CYBRD1: variants seen among roughly 807,000 people sequenced by gnomAD.
The protein encoded by CYBRD1 is plasma membrane ascorbate-dependent reductase CYBRD1.
A neutral mutation model predicts 21.9 loss-of-function variants in CYBRD1; 14 were observed. The ratio of observed to expected loss-of-function variants is 0.64; its 90% CI spans 0.42 to 1.00. CYBRD1 has a LOEUF of 1.00. Ranked by LOEUF, CYBRD1 falls within the 50% of genes least tolerant of loss-of-function variation. CYBRD1 has a pLI of 0.00. For synonymous variants in CYBRD1, 146 were observed against 136.5 expected (o/e 1.07, Z -0.48); for missense variants, 328 against 352.5 (o/e 0.93, Z 0.56).
At chr2:171,549,619 A>T (rs547633727) in intron 2 of CYBRD1, among the ~76,000 whole-genome samples, 24 of 152,338 alleles carry the variant, frequency 1.6e-4, no homozygotes, top group African/African-American at 5.8e-4. Flanking sequence ...TAATCTAGAG[A>T]TATCATTAGC....
chr2:171,551,282 CAGGAAG>C (rs1473186861), intron 2 of CYBRD1: 1 of 152,354 alleles, frequency 6.6e-6, no homozygotes, highest in Non-Finnish European at 1.5e-5. Context: ...ACATGGACAT[CAGGAAG>C]CTTGCCCTTT....
chr2:171,554,574 C>G lies in CYBRD1; in HGVS notation c.608C>G (p.Thr203Arg), dbSNP rs201085119. 2 of 1,613,778 alleles carry G rather than the reference C, an allele frequency of 1.2e-6. No homozygotes were observed. Among genetic ancestry groups the G allele is most frequent in the Non-Finnish European group, 1.7e-6 (2 of 1,179,906 alleles). ...CCGCCAGAAGGTGTTTTCGTAAATA[C>G]GCTTGGCCTTCTGATCCTGGTGTTC... is the stretch of plus-strand genomic sequence containing the variant. ...TFPPEGVFVN[T>R]LGLLILVFGA... The change falls in exon 4 of 4, where the codon ACG becomes AGG. Residue 203 changes from threonine to arginine, a missense_variant. By Grantham distance (71) the Thr-to-Arg change is moderately conservative (BLOSUM62 -1). Coordinates refer to ENST00000321348, the MANE Select transcript of CYBRD1 (RefSeq NM_024843.4).
chr2:171,522,592 C>T lies in CYBRD1; in HGVS notation c.47C>T (p.Ala16Val). ...YWRFLALLGS[A>V]LLVGFLSVIF... Reference sequence around the variant, plus strand: ...CGCTTCCTGGCGCTGCTGGGGTCGGCACTGCTCGTCGGCTTCCTGTCGGTG... The same window carrying T: ...CGCTTCCTGGCGCTGCTGGGGTCGGTACTGCTCGTCGGCTTCCTGTCGGTG... Residue 16 changes from alanine to valine, a missense_variant, in exon 1 of 4, where the codon GCA becomes GTA. Physicochemically the swap from Ala to Val is moderately conservative, Grantham distance 64. Coordinates refer to ENST00000321348, the MANE Select transcript of CYBRD1 (RefSeq NM_024843.4). The surrounding 1 kb of genome is among the most constrained non-coding windows in gnomAD (Gnocchi z 4.3). 6.2e-7 allele frequency: 1 copy of T among 1,612,048 alleles called. No homozygotes were observed. Among genetic ancestry groups the T allele is most frequent in the East Asian group, 2.2e-5 (1 of 44,830 alleles).
intron 2 of CYBRD1, among the ~76,000 whole-genome samples, chr2:171,548,770 T>TAA (rs55810777): frequency 0.029 from 3,382 of 115,966 alleles, 113 homozygotes; most frequent in African/African-American, 0.097. Context: ...TTACACACAC[T>TAA]AAAAAAAAAA....
At chr2:171,537,883 GGT>G (rs1697568411) in intron 1 of CYBRD1, among the ~76,000 whole-genome samples, 4 of 152,188 alleles carry the variant, frequency 2.6e-5, no homozygotes, top group African/African-American at 9.7e-5. Flanking sequence ...AAGAGTTTGA[GGT>G]GATAAATATG....
upstream of CYBRD1, chr2:171,522,267 G>C (rs374715156): frequency 6.5e-7 from 1 of 1,549,336 alleles, no homozygotes; most frequent in South Asian, 1.2e-5. The surrounding 1 kb of genome is among the most constrained non-coding windows in gnomAD (Gnocchi z 4.3). Context: ...CCCTCTGCGA[G>C]CTTGGATGCT....
At chr2:171,528,250 T>A (rs1697413353) in intron 1 of CYBRD1, among the ~76,000 whole-genome samples, 1 of 152,076 alleles carries the variant, frequency 6.6e-6, no homozygotes, top group Non-Finnish European at 1.5e-5. Context: ...GATGCCCAGC[T>A]AATTTTGTAT....
chr2:171,552,244 T>G (rs1390282700), intron 2 of CYBRD1, among the ~76,000 whole-genome samples: 1 of 152,260 alleles, frequency 6.6e-6, no homozygotes, highest in Non-Finnish European at 1.5e-5. Flanking sequence ...ACATGACTGT[T>G]GAATCCTACC....
chr2:171,557,668 C>A lies in CYBRD1; in HGVS notation c.*2841C>A, dbSNP rs950395137. ...AGAAATGACAAAGAAGGCAATTGCA[C>A]TTTTTAAGGGATATCGACAAGCAGT... On this transcript the variant is annotated 3_prime_UTR_variant, in exon 4 of 4. Transcript: ENST00000321348. 6.6e-6 allele frequency: 1 copy of A among 152,124 alleles called. No individual in the cohort carries two copies. Among genetic ancestry groups the A allele is most frequent in the African/African-American group, 2.4e-5 (1 of 41,416 alleles). The allele number at this position is 152,124 out of a possible 1,614,324, so 9.4% of individuals were successfully genotyped here.
intron 2 of CYBRD1, among the ~76,000 whole-genome samples, chr2:171,549,607 C>T (rs1016919123): frequency 1.8e-4 from 27 of 152,172 alleles, no homozygotes; most frequent in Non-Finnish European, 3.5e-4. Context: ...CTGATACTGC[C>T]ATAATCTAGA....
At chr2:171,533,143 G>A (rs1019134367) in intron 1 of CYBRD1, among the ~76,000 whole-genome samples, 16 of 152,118 alleles carry the variant, frequency 1.1e-4, no homozygotes, top group African/African-American at 3.9e-4. Flanking sequence ...AAGGTGGGCA[G>A]ATCACTTGAG....
chr2:171,525,746 C>T (rs1162729050), intron 1 of CYBRD1, among the ~76,000 whole-genome samples: 4 of 152,064 alleles, frequency 2.6e-5, no homozygotes, highest in Non-Finnish European at 4.4e-5. Context: ...ATGCAATATA[C>T]AAATAGTAAA....
chr2:171,522,952 C>T lies in CYBRD1; in HGVS notation c.193+214C>T. On this transcript the variant is annotated intron_variant, in intron 1 of 3. Coordinates refer to ENST00000321348, the MANE Select transcript of CYBRD1 (RefSeq NM_024843.4). The surrounding 1 kb of genome is among the most constrained non-coding windows in gnomAD (Gnocchi z 4.3). The stretch of plus-strand genomic sequence containing the variant: ...ACAGAGCTGCGGTTCAGGAGGATCG[C>T]CGCGAGCGCGGGGCCGGGGGTGCGC... 1 of 739,032 alleles carries T rather than the reference C, an allele frequency of 1.4e-6. No individual in the cohort carries two copies. The highest frequency in any genetic ancestry group is 2.1e-6 in the Non-Finnish European group (1 of 477,844). 45.8% of individuals were successfully genotyped at this position (739,032 alleles called of 1,614,324 possible).
chr2:171,548,078 A>G (rs564998845), intron 2 of CYBRD1, among the ~76,000 whole-genome samples: 1 of 152,202 alleles, frequency 6.6e-6, no homozygotes, highest in African/African-American at 2.4e-5. Flanking sequence ...TAAAAAAACT[A>G]TGGGCATATT....
At chr2:171,529,593 C>G (rs1175570475) in intron 1 of CYBRD1, among the ~76,000 whole-genome samples, 1 of 147,474 alleles carries the variant, frequency 6.8e-6, no homozygotes, top group African/African-American at 2.5e-5. Flanking sequence ...GAACACCAGT[C>G]TACTCAGAAG....
intron 1 of CYBRD1, among the ~76,000 whole-genome samples, chr2:171,533,165 G>A (rs951678090): frequency 6.6e-6 from 1 of 151,810 alleles, no homozygotes; most frequent in African/African-American, 2.4e-5. Flanking sequence ...TCAGGAGTTC[G>A]AGACGAGCCT....
At chr2:171,545,545 A>ATTTT (rs35880894) in intron 2 of CYBRD1, among the ~76,000 whole-genome samples, 5 of 121,594 alleles carry the variant, frequency 4.1e-5, no homozygotes, top group Non-Finnish European at 6.9e-5. Context: ...CATGTGGCTA[A>ATTTT]TTTTTTTTTT....
At chr2:171,522,255 A>T (rs1697315206), upstream of CYBRD1, 2 of 1,549,802 alleles carry the variant, frequency 1.3e-6, no homozygotes, top group African/African-American at 1.4e-5. This position sits in a 1 kb window ranked among gnomAD's most constrained non-coding sequence, Gnocchi z 4.3. Flanking sequence ...CTGTTACTGA[A>T]GCCCTCTGCG....
chr2:171,526,740 C>A (rs1697392032), intron 1 of CYBRD1, among the ~76,000 whole-genome samples: 1 of 152,106 alleles, frequency 6.6e-6, no homozygotes, highest in Non-Finnish European at 1.5e-5. Context: ...GGCTGTTGAC[C>A]TTTTAAAAGG....
Sources: allele counts gnomAD v4.1 joint callset (sites outside exome capture counted in the v4.1 genomes callset), GRCh38; gene constraint gnomAD v4.1.1; non-coding constraint Gnocchi (gnomAD v3.1); transcripts MANE v1.5; gene names NCBI Gene and HGNC (gene_info 2026-07-23, HGNC 2026-07-21).